The following LMBR1 variants were observed in gnomAD, a reference collection of about 807,000 sequenced individuals.
The protein encoded by LMBR1 is limb region 1 protein homolog.
Under a neutral mutation model 73.9 loss-of-function variants are expected in LMBR1, and 52 were observed. The observed-to-expected ratio is 0.70, with a 90% CI of 0.56 to 0.89. The LOEUF (loss-of-function observed/expected upper bound fraction) is 0.89, where lower values mean the gene tolerates loss of function less well. LMBR1 is among the 40% of genes least tolerant of loss of function. The probability of loss-of-function intolerance (pLI) is 0.00; values close to 1 mark genes in which losing one functional copy is unlikely to be tolerated. For missense variants in LMBR1, 539 were observed against 579.8 expected, an observed-to-expected ratio of 0.93 and a Z score of 0.72; for synonymous variants, 215 against 209.4, an observed-to-expected ratio of 1.03 and a Z score of -0.23.
intron 1 of LMBR1, among the ~76,000 whole-genome samples, chr7:156,860,320 G>A (rs935795078): frequency 2.6e-5 from 4 of 152,114 alleles, no homozygotes; most frequent in African/African-American, 9.7e-5. Context: ...TTGTGCAGGG[G>A]AACTCTTCTT....
downstream of LMBR1, among the ~76,000 whole-genome samples, chr7:156,674,614 TGAGTGAG>T (rs1803380907): frequency 1.3e-5 from 2 of 152,154 alleles, no homozygotes; most frequent in Non-Finnish European, 2.9e-5. Flanking sequence ...AGGCCGAGGC[TGAGTGAG>T]CATTGATGGC....
chr7:156,777,380 A>G (rs1014084802), intron 5 of LMBR1, among the ~76,000 whole-genome samples: 1 of 152,162 alleles, frequency 6.6e-6, no homozygotes, highest in African/African-American at 2.4e-5. Context: ...CCTCCTCTAC[A>G]CCTTAGCTAC....
chr7:156,866,903 C>G (rs1364226149), intron 1 of LMBR1, among the ~76,000 whole-genome samples: 1 of 152,102 alleles, frequency 6.6e-6, no homozygotes, highest in Non-Finnish European at 1.5e-5. Flanking sequence ...CGCCCAGCCT[C>G]TTATGAGTTT....
At chr7:156,706,410 C>T (rs1401115206) in intron 15 of LMBR1, among the ~76,000 whole-genome samples, 1 of 152,152 alleles carries the variant, frequency 6.6e-6, no homozygotes, top group African/African-American at 2.4e-5. Context: ...ACCTAAAACA[C>T]ATTTACAGAA....
chr7:156,753,448 CA>C (rs1380684769), intron 9 of LMBR1, among the ~76,000 whole-genome samples: 1 of 152,060 alleles, frequency 6.6e-6, no homozygotes, highest in East Asian at 1.9e-4. Flanking sequence ...AGCGAGCCAT[CA>C]CATGAGCGGG....
At position 156,728,667 on chromosome 7, in the gene LMBR1, T is replaced by C. The variant is rs1816242216; in HGVS notation, c.892A>G (p.Met298Val). 6.2e-7 allele frequency: 1 copy of C among 1,600,962 alleles called. No individual in the cohort carries two copies. The highest frequency in any genetic ancestry group is 1.4e-5 in the African/African-American group (1 of 74,060). ...WERNLVYPAVMVLLLIETSIS... is the reference protein window; with the variant it reads ...WERNLVYPAVVVLLLIETSIS... Reference sequence around the variant, plus strand: ...ACTGTCTCAATAAGAAGGAGAACCATAACAGCGGGATACACCAAATTTCTT... The same window carrying C: ...ACTGTCTCAATAAGAAGGAGAACCACAACAGCGGGATACACCAAATTTCTT... The change falls in exon 11 of 17, where the codon ATG becomes GTG. Residue 298 changes from methionine (M) to valine (V), a missense_variant. Physicochemically the swap from Met to Val is conservative, Grantham distance 21. This residue lies in a region of LMBR1 where 454 missense variants were observed against 473.4 expected (regional missense o/e 0.96). Transcript: ENST00000353442.
chr7:156,779,818 A>C, intron 5 of LMBR1: 2 of 475,622 alleles, frequency 4.2e-6, no homozygotes, highest in Non-Finnish European at 7.5e-6. Flanking sequence ...CAGAACATTT[A>C]AAATAAATAT....
At chr7:156,781,449 A>G (rs1395586621) in intron 5 of LMBR1, among the ~76,000 whole-genome samples, 2 of 152,012 alleles carry the variant, frequency 1.3e-5, no homozygotes, top group East Asian at 3.9e-4. Flanking sequence ...TCTCTCAATA[A>G]ATAATAGCTA....
chr7:156,861,937 C>A (rs1045854594), intron 1 of LMBR1, among the ~76,000 whole-genome samples: 1 of 152,222 alleles, frequency 6.6e-6, no homozygotes, highest in African/African-American at 2.4e-5. Context: ...GAGATCCAAA[C>A]TTTTCCACAT....
chr7:156,877,601 C>T (rs1291295065), intron 1 of LMBR1, among the ~76,000 whole-genome samples: 1 of 152,100 alleles, frequency 6.6e-6, no homozygotes, highest in Admixed American at 6.6e-5. Flanking sequence ...ATACGCAAGT[C>T]GGCCGGGCGC....
intron 4 of LMBR1, among the ~76,000 whole-genome samples, chr7:156,804,127 A>C (rs955204561): frequency 4.6e-5 from 7 of 152,196 alleles, no homozygotes; most frequent in African/African-American, 1.7e-4. Flanking sequence ...CATGTAACCT[A>C]AAACTTAAAG....
intron 1 of LMBR1, among the ~76,000 whole-genome samples, chr7:156,865,583 T>C (rs1798337084): frequency 6.6e-6 from 1 of 152,158 alleles, no homozygotes. Context: ...AGGCTTATCC[T>C]AAATTCACAT....
intron 4 of LMBR1, among the ~76,000 whole-genome samples, chr7:156,804,490 C>G (rs1831638260): frequency 6.6e-6 from 1 of 152,174 alleles, no homozygotes; most frequent in South Asian, 2.1e-4. Context: ...CAGTCTCTCA[C>G]CAGCAGAGAT....
At position 156,681,136 on chromosome 7, in the gene LMBR1, A is replaced by G; in HGVS notation, c.*2942T>C. On this transcript the variant is annotated 3_prime_UTR_variant, in exon 17 of 17. Coordinates refer to ENST00000353442, the MANE Select transcript of LMBR1 (RefSeq NM_022458.4). ...GCCTTTATGCATTAAATAACGTGCT[A>G]CCAACAAAACTAGCACATAAGAGCC... 1 of 444,908 alleles carries G rather than the reference A, an allele frequency of 2.2e-6. No individual in the cohort carries two copies. The highest frequency in any genetic ancestry group is 4.5e-6 in the Non-Finnish European group (1 of 223,516). The allele number at this position is 444,908 out of a possible 1,614,324, so 27.6% of individuals were successfully genotyped here.
At chr7:156,865,242 G>C (rs1025856053) in intron 1 of LMBR1, among the ~76,000 whole-genome samples, 1 of 152,092 alleles carries the variant, frequency 6.6e-6, no homozygotes, top group Non-Finnish European at 1.5e-5. Context: ...AGGGGTTTCA[G>C]GCTGCAGTGA....
chr7:156,854,962 C>T (rs765586971), intron 1 of LMBR1, among the ~76,000 whole-genome samples: 2 of 152,178 alleles, frequency 1.3e-5, no homozygotes, highest in African/African-American at 2.4e-5. Flanking sequence ...CATACATAAA[C>T]ATAAAATCTA....
chr7:156,833,864 T>G, intron 2 of LMBR1, 72 bp from the exon 3 acceptor site: 1 of 980,912 alleles, frequency 1.0e-6, no homozygotes, highest in Non-Finnish European at 1.6e-6. Context: ...ATTAAAACTA[T>G]AAACACAATA....
At chr7:156,697,192 G>A (rs1365248427) in intron 15 of LMBR1, among the ~76,000 whole-genome samples, 2 of 152,134 alleles carry the variant, frequency 1.3e-5, no homozygotes, top group African/African-American at 2.4e-5. Flanking sequence ...GGGGGTGTAA[G>A]AACAGGGAGT....
intron 4 of LMBR1, among the ~76,000 whole-genome samples, chr7:156,801,350 C>T (rs1830933154): frequency 6.6e-6 from 1 of 152,194 alleles, no homozygotes; most frequent in Admixed American, 6.5e-5. Flanking sequence ...GCAATAAAGG[C>T]ATGTACACAC....
Sources: allele counts gnomAD v4.1 joint callset (sites outside exome capture counted in the v4.1 genomes callset), GRCh38; gene constraint gnomAD v4.1.1; regional missense constraint gnomAD v4.1.1; transcripts MANE v1.5; gene names NCBI Gene and HGNC (gene_info 2026-07-23, HGNC 2026-07-21).